The following MARCHF1 variants were observed in gnomAD, a reference collection of about 807,000 sequenced individuals.
The protein encoded by MARCHF1 is E3 ubiquitin-protein ligase MARCHF1.
A neutral mutation model predicts 54.2 loss-of-function variants in MARCHF1; 40 were observed. The observed-to-expected ratio is 0.74, with a 90% CI of 0.57 to 0.96. The LOEUF (loss-of-function observed/expected upper bound fraction) is 0.96. Among genes scored for constraint, MARCHF1 ranks in the 40% least tolerant of loss-of-function variants. MARCHF1 has a pLI of 0.00. For synonymous variants in MARCHF1, 236 were observed against 236.3 expected (o/e 1.00, Z 0.01); for missense variants, 586 against 656.5 (o/e 0.89, Z 1.17).
chr4:164,093,544 C>A (rs1295856367), intron 2 of MARCHF1, among the ~76,000 whole-genome samples: 2 of 152,120 alleles, frequency 1.3e-5, no homozygotes, highest in African/African-American at 4.8e-5. Context: ...GTCTATGATA[C>A]CCAAACTATA....
chr4:163,603,781 A>G (rs1741054431), intron 7 of MARCHF1, among the ~76,000 whole-genome samples: 1 of 151,628 alleles, frequency 6.6e-6, no homozygotes, highest in African/African-American at 2.4e-5. Context: ...AGTCATACCT[A>G]TTTTCCCTTC....
intron 3 of MARCHF1, among the ~76,000 whole-genome samples, chr4:163,895,281 T>C (rs1254385726): frequency 6.6e-6 from 1 of 152,210 alleles, no homozygotes; most frequent in Non-Finnish European, 1.5e-5. Context: ...CTTGGAATTA[T>C]TTAGCTTCAT....
At chr4:164,053,971 A>G (rs924069684) in intron 2 of MARCHF1, among the ~76,000 whole-genome samples, 5 of 152,142 alleles carry the variant, frequency 3.3e-5, no homozygotes, top group Admixed American at 1.3e-4. Context: ...AGAAACTACC[A>G]TCAGAGTGAA....
chr4:164,151,485 T>C (rs1729936175), intron 1 of MARCHF1, among the ~76,000 whole-genome samples: 1 of 152,146 alleles, frequency 6.6e-6, no homozygotes, highest in Non-Finnish European at 1.5e-5. Flanking sequence ...CAATAGTCCT[T>C]TGCCTGGAGC....
intron 9 of MARCHF1, 116 bp downstream of exon 9, chr4:163,545,480 A>G (rs1256345673): frequency 1.1e-6 from 1 of 902,546 alleles, no homozygotes; most frequent in East Asian, 2.6e-5. Flanking sequence ...AGCAAATACT[A>G]GCTTTTCTAG....
intron 2 of MARCHF1, among the ~76,000 whole-genome samples, chr4:164,058,185 G>A (rs139975382): frequency 5.3e-5 from 8 of 152,004 alleles, no homozygotes; most frequent in Non-Finnish European, 1.0e-4. Context: ...ATGGGTTGAC[G>A]GGTGCAACAA....
chr4:163,644,604 C>T (rs1052800791), intron 5 of MARCHF1, among the ~76,000 whole-genome samples: 1 of 152,144 alleles, frequency 6.6e-6, no homozygotes, highest in African/African-American at 2.4e-5. Context: ...GGTCAGAGAG[C>T]AGTTCTACCT....
chr4:164,133,877 A>G (rs1356324377), intron 1 of MARCHF1, among the ~76,000 whole-genome samples: 1 of 152,220 alleles, frequency 6.6e-6, no homozygotes, highest in Non-Finnish European at 1.5e-5. Context: ...AATCTGATTT[A>G]CAGAGTCCAC....
At chr4:164,054,192 C>T (rs1439450391) in intron 2 of MARCHF1, among the ~76,000 whole-genome samples, 1 of 151,626 alleles carries the variant, frequency 6.6e-6, no homozygotes, top group Non-Finnish European at 1.5e-5. Context: ...CATCACTGGC[C>T]ATCAGAGAAA....
At chr4:163,904,567 G>C (rs1440514980) in intron 3 of MARCHF1, among the ~76,000 whole-genome samples, 1 of 152,132 alleles carries the variant, frequency 6.6e-6, no homozygotes, top group Non-Finnish European at 1.5e-5. Context: ...AATGAGCACA[G>C]TTAGAGAAAA....
At chr4:164,021,938 T>C (rs192124636) in intron 2 of MARCHF1, among the ~76,000 whole-genome samples, 10 of 152,088 alleles carry the variant, frequency 6.6e-5, no homozygotes, top group African/African-American at 2.4e-4. Flanking sequence ...CCAGGTTAAT[T>C]TTATTGTCTA....
intron 1 of MARCHF1, among the ~76,000 whole-genome samples, chr4:164,272,969 CTTAA>C (rs1044509138): frequency 1.3e-5 from 2 of 151,428 alleles, no homozygotes; most frequent in African/African-American, 4.9e-5. Flanking sequence ...CATACATGTT[CTTAA>C]TTATAAATAT....
intron 1 of MARCHF1, among the ~76,000 whole-genome samples, chr4:164,183,598 T>C (rs535715392): frequency 1.3e-5 from 2 of 152,216 alleles, no homozygotes; most frequent in African/African-American, 2.4e-5. Context: ...TCCAGAAGTT[T>C]TGTTGCTTTG....
At chr4:164,375,429 A>G (rs1731157129) in intron 1 of MARCHF1, among the ~76,000 whole-genome samples, 1 of 152,188 alleles carries the variant, frequency 6.6e-6, no homozygotes, top group South Asian at 2.1e-4. Flanking sequence ...ATGAGCTGGA[A>G]CAAATACATT....
chr4:164,061,480 A>G (rs1321083585), intron 2 of MARCHF1, among the ~76,000 whole-genome samples: 1 of 130,364 alleles, frequency 7.7e-6, no homozygotes, highest in Non-Finnish European at 1.6e-5. Flanking sequence ...TTATACTGTA[A>G]TGAGAACACA....
chr4:164,116,258 A>G (rs1042378376), intron 1 of MARCHF1, among the ~76,000 whole-genome samples: 10 of 152,188 alleles, frequency 6.6e-5, no homozygotes, highest in Non-Finnish European at 1.5e-4. Flanking sequence ...AAAATAGCAT[A>G]CTTTCCAAAA....
In MARCHF1 at chr4:163,613,655, A is replaced by G. The variant is rs547895185; in HGVS notation, c.163-262T>C. The stretch of plus-strand genomic sequence containing the variant: ...GAGGAAGATGATTCCACAAGTTTCT[A>G]TTCTATTTACTGTAATCATTTGAGT... On this transcript the variant is annotated intron_variant, in intron 5 of 9. Coordinates refer to ENST00000514618, the MANE Select transcript of MARCHF1 (RefSeq NM_001394959.1). The G allele has an allele frequency of 2.0e-4, 274 of 1,397,174 alleles. 3 individuals are homozygous for G. The South Asian group carries it at 4.4e-3, about 22-fold the overall frequency. 86.5% of individuals were successfully genotyped at this position (1,397,174 alleles called of 1,614,324 possible).
chr4:163,629,208 T>A (rs556865319), intron 5 of MARCHF1, among the ~76,000 whole-genome samples: 1 of 152,024 alleles, frequency 6.6e-6, no homozygotes, highest in South Asian at 2.1e-4. Context: ...CCAAAACAGA[T>A]ATATAGACCA....
At chr4:163,712,414 A>G (rs1314218563) in intron 4 of MARCHF1, among the ~76,000 whole-genome samples, 1 of 152,216 alleles carries the variant, frequency 6.6e-6, no homozygotes. Context: ...AAATTTAAAA[A>G]TACTAGATAC....
Sources: gnomAD v4.1 joint callset for allele counts (sites outside exome capture counted in the v4.1 genomes callset) on GRCh38, gnomAD v4.1.1 for gene constraint, MANE v1.5 for transcripts, NCBI Gene and HGNC (gene_info 2026-07-23, HGNC 2026-07-21) for gene names.